Variants in SLC39A11 observed in about 807,000 individuals in gnomAD.
The protein encoded by SLC39A11 is solute carrier family 39 member 11, also known as zinc transporter ZIP11.
A neutral mutation model predicts 36.1 loss-of-function variants in SLC39A11; 33 were observed. The observed-to-expected ratio is 0.91, with a 90% CI of 0.69 to 1.22. The LOEUF (loss-of-function observed/expected upper bound fraction) is 1.22. Among genes scored for constraint, SLC39A11 ranks in the 50% most tolerant of loss-of-function variants. The probability of loss-of-function intolerance (pLI) is 0.00; values close to 1 mark genes in which losing one functional copy is unlikely to be tolerated. For missense variants in SLC39A11, 432 were observed against 430.3 expected (o/e 1.00, Z -0.03); for synonymous variants, 166 against 170.3 (o/e 0.97, Z 0.20).
intron 6 of SLC39A11, among the ~76,000 whole-genome samples, chr17:72,784,163 G>A (rs570713039): frequency 1.1e-4 from 17 of 152,228 alleles, no homozygotes; most frequent in African/African-American, 3.4e-4. Context: ...TGGCCAACAC[G>A]GTGAAACCCT....
At chr17:72,908,976 A>G (rs1284250731) in intron 5 of SLC39A11, among the ~76,000 whole-genome samples, 2 of 152,230 alleles carry the variant, frequency 1.3e-5, no homozygotes, top group African/African-American at 2.4e-5. Context: ...AACAACATCC[A>G]CATTCAAACG....
chr17:72,669,225 A>G (rs1476127808), intron 7 of SLC39A11, among the ~76,000 whole-genome samples: 1 of 152,196 alleles, frequency 6.6e-6, no homozygotes, highest in African/African-American at 2.4e-5. Flanking sequence ...CTGTAAGACG[A>G]TGATCAAAAC....
chr17:73,007,465 G>A (rs1477153339), intron 4 of SLC39A11, among the ~76,000 whole-genome samples: 8 of 152,166 alleles, frequency 5.3e-5, no homozygotes, highest in South Asian at 2.1e-4. Flanking sequence ...TCAGGGCAAC[G>A]CCATCATCAT....
chr17:72,977,714 G>A (rs1488823490), intron 4 of SLC39A11, among the ~76,000 whole-genome samples: 1 of 152,164 alleles, frequency 6.6e-6, no homozygotes, highest in East Asian at 1.9e-4. Flanking sequence ...CAAACAAAGG[G>A]CTGGAACAGA....
chr17:72,729,683 C>A (rs2074137278), intron 7 of SLC39A11, among the ~76,000 whole-genome samples: 1 of 150,858 alleles, frequency 6.6e-6, no homozygotes, highest in Non-Finnish European at 1.5e-5. Context: ...CCTGAAAAAA[C>A]CTTGGCACCT....
intron 4 of SLC39A11, among the ~76,000 whole-genome samples, chr17:73,004,717 C>G (rs1427532480): frequency 1.3e-5 from 2 of 152,230 alleles, no homozygotes; most frequent in Non-Finnish European, 2.9e-5. Flanking sequence ...TCATTTGATC[C>G]TTAACTGTTG....
chr17:72,831,662 T>C lies in SLC39A11; in HGVS notation c.601+17972A>G, dbSNP rs140289745. On this transcript the variant is annotated intron_variant, in intron 6 of 9. Transcript: ENST00000255559. ...TCGTAAAAATGCAATTTCCCAACTT[T>C]ATTTCATCCATGAGCTTTGAGTTCA... Among the ~76,000 whole-genome samples the C allele has an allele frequency of 5.4e-4, 82 of 152,382 alleles. No individual in the cohort carries two copies. The East Asian group carries it at 0.013, about 25-fold the overall frequency.
chr17:72,909,335 C>T (rs973488675), intron 5 of SLC39A11, among the ~76,000 whole-genome samples: 2 of 152,210 alleles, frequency 1.3e-5, no homozygotes, highest in Non-Finnish European at 2.9e-5. Context: ...AGTCACGTTG[C>T]CTGTTAGCAA....
chr17:72,676,095 C>CACAT (rs1403520883), intron 7 of SLC39A11, among the ~76,000 whole-genome samples: 21 of 150,624 alleles, frequency 1.4e-4, no homozygotes, highest in African/African-American at 5.1e-4. Context: ...CACACACACA[C>CACAT]ACACACACTT....
intron 5 of SLC39A11, among the ~76,000 whole-genome samples, chr17:72,931,909 ATG>A (rs574123815): frequency 9.3e-4 from 142 of 152,316 alleles, no homozygotes; most frequent in African/African-American, 3.2e-3. Flanking sequence ...ACCATGAGCC[ATG>A]CTCCTACCAT....
At chr17:73,053,926 G>C (rs887248302) in intron 3 of SLC39A11, among the ~76,000 whole-genome samples, 1 of 152,202 alleles carries the variant, frequency 6.6e-6, no homozygotes, top group Admixed American at 6.5e-5. Context: ...GAATCAGAAA[G>C]ACTGATTTCC....
chr17:72,756,324 T>G (rs908838977), intron 6 of SLC39A11, among the ~76,000 whole-genome samples: 1 of 152,240 alleles, frequency 6.6e-6, no homozygotes, highest in African/African-American at 2.4e-5. Context: ...AAAGAGATAC[T>G]TGCCTACCTA....
intron 7 of SLC39A11, among the ~76,000 whole-genome samples, chr17:72,710,533 T>C (rs1598411182): frequency 6.6e-6 from 1 of 152,282 alleles, no homozygotes; most frequent in East Asian, 1.9e-4. Flanking sequence ...AAGGTGCCAT[T>C]TGTGGAGCAG....
intron 5 of SLC39A11, among the ~76,000 whole-genome samples, chr17:72,937,932 C>A (rs2147549046): frequency 6.6e-6 from 1 of 152,300 alleles, no homozygotes; most frequent in South Asian, 2.1e-4. Flanking sequence ...TGCCTCCCAA[C>A]AAGCTCATGG....
intron 7 of SLC39A11, among the ~76,000 whole-genome samples, chr17:72,727,207 G>T (rs1382993917): frequency 6.6e-6 from 1 of 152,204 alleles, no homozygotes; most frequent in African/African-American, 2.4e-5. Context: ...TGGGAGCTGA[G>T]GGCATGTCTC....
chr17:73,028,046 G>A (rs1568150054), intron 4 of SLC39A11, among the ~76,000 whole-genome samples: 4 of 152,100 alleles, frequency 2.6e-5, no homozygotes, highest in South Asian at 4.1e-4. Flanking sequence ...CCCCTTGGTC[G>A]GAACCGCAGC....
intron 7 of SLC39A11, among the ~76,000 whole-genome samples, chr17:72,676,921 C>T (rs2071286243): frequency 6.6e-6 from 1 of 152,144 alleles, no homozygotes; most frequent in East Asian, 1.9e-4. Flanking sequence ...GTGTAACTCC[C>T]CTGGAAGAAG....
At chr17:72,996,599 C>A (rs911736495) in intron 4 of SLC39A11, among the ~76,000 whole-genome samples, 1 of 152,102 alleles carries the variant, frequency 6.6e-6, no homozygotes, top group Non-Finnish European at 1.5e-5. Flanking sequence ...TTTGCATGGC[C>A]ATCTCCTTTG....
chr17:72,937,320 T>C lies in SLC39A11; in HGVS notation c.430+10432A>G, dbSNP rs183054835. 4.1e-3 allele frequency among the ~76,000 whole-genome samples: 629 copies of C among 152,176 alleles called. 5 individuals are homozygous for C. Among genetic ancestry groups the C allele is most frequent in the African/African-American group, 0.014 (570 of 41,518 alleles). On this transcript the variant is annotated intron_variant, in intron 5 of 9. Coordinates refer to ENST00000255559, the MANE Select transcript of SLC39A11 (RefSeq NM_139177.4). ...AAGTACAAAAATTAGCTGGGCATGG[T>C]AGCGCATGCCTGTAATCCCAGCTAC...
Sources: gnomAD v4.1 joint callset for allele counts (sites outside exome capture counted in the v4.1 genomes callset) on GRCh38, gnomAD v4.1.1 for gene constraint, MANE v1.5 for transcripts, NCBI Gene and HGNC (gene_info 2026-07-23, HGNC 2026-07-21) for gene names.